The following PEMT variants were observed in gnomAD, a reference collection of about 807,000 sequenced individuals.
The protein encoded by PEMT is phosphatidylethanolamine N-methyltransferase.
In PEMT, 23 loss-of-function variants were observed where a neutral mutation model predicts 27.4. The ratio of observed to expected loss-of-function variants is 0.84; its 90% CI spans 0.60 to 1.19. The LOEUF (loss-of-function observed/expected upper bound fraction) is 1.19, where lower values mean the gene tolerates loss of function less well. PEMT is among the 50% of genes most tolerant of loss of function. The pLI is 0.00. For missense variants in PEMT, 307 were observed against 310.1 expected (o/e 0.99, Z 0.07); for synonymous variants, 137 against 139.1 (o/e 0.98, Z 0.11).
At chr17:17,587,662 A>G (rs1912385570) in intron 1 of PEMT, among the ~76,000 whole-genome samples, 1 of 152,150 alleles carries the variant, frequency 6.6e-6, no homozygotes, top group South Asian at 2.1e-4. Flanking sequence ...CAGGAGTTTG[A>G]GACCAGCCTG....
At position 17,508,680 on chromosome 17, in the gene PEMT, G is replaced by T. The variant is rs188740083; in HGVS notation, c.578+754C>A. The T allele has an allele frequency of 7.7e-4, 313 of 407,370 alleles. 3 individuals carry two copies. The highest frequency in any genetic ancestry group is 5.8e-3 in the African/African-American group (270 of 46,416). The allele number at this position is 407,370 out of a possible 1,614,324, so 25.2% of individuals were successfully genotyped here. On this transcript the variant is annotated intron_variant, in intron 5 of 6. Coordinates refer to ENST00000255389, the MANE Select transcript of PEMT (RefSeq NM_148172.3). ...GGCTGGGTATGAAGCCGAGGGCAGC[G>T]CCCGCTGTGCCATCCTTGACCGCAG...
rs1420495614 is a variant in PEMT, at chr17:17,586,276, GAAAGAAAGAAAGAAAA to G, written c.96+5239_96+5254del. Among the ~76,000 whole-genome samples, 731 of 104,296 alleles carry G rather than the reference GAAAGAAAGAAAGAAAA, an allele frequency of 7.0e-3. 31 individuals carry two copies. Among genetic ancestry groups the G allele is most frequent in the African/African-American group, 0.021 (457 of 21,836 alleles). The allele number at this position is 104,296 out of a possible 152,430, so 68.4% of individuals were successfully genotyped here. A position where few individuals can be genotyped will look rare whatever the true frequency, so the allele number is the denominator to read the frequency against. On this transcript the variant is annotated intron_variant, in intron 1 of 6. Transcript: ENST00000255389. Reference sequence around the variant, plus strand: ...AGAAAGAAAGAAAGAAAGAAAGAAAGAAAGAAAGAAAGAAAAAAAAAAACGCAGGTGGAAAATCGGG... The same window carrying G: ...AGAAAGAAAGAAAGAAAGAAAGAAAGAAAAAAACGCAGGTGGAAAATCGGG...
intron 2 of PEMT, among the ~76,000 whole-genome samples, chr17:17,548,482 C>T (rs1014435108): frequency 6.6e-6 from 1 of 152,192 alleles, no homozygotes; most frequent in South Asian, 2.1e-4. Flanking sequence ...AGAAGCTCCT[C>T]GAGGCATCAG....
chr17:17,553,715 G>A (rs963064159), intron 2 of PEMT, among the ~76,000 whole-genome samples: 3 of 152,200 alleles, frequency 2.0e-5, no homozygotes, highest in Non-Finnish European at 2.9e-5. Context: ...GGTTCTCCCC[G>A]GCAGCACTTG....
At chr17:17,589,590 G>A (rs2142769451) in intron 1 of PEMT, among the ~76,000 whole-genome samples, 1 of 152,284 alleles carries the variant, frequency 6.6e-6, no homozygotes, top group East Asian at 1.9e-4. Context: ...CTACTGGACA[G>A]CACAGCAGCA....
chr17:17,520,740 A>C (rs1907203210), intron 3 of PEMT, among the ~76,000 whole-genome samples: 1 of 152,230 alleles, frequency 6.6e-6, no homozygotes, highest in Admixed American at 6.5e-5. Context: ...AGACCGTGGG[A>C]TAGCCACCCA....
chr17:17,531,254 T>C (rs532769789), intron 2 of PEMT, among the ~76,000 whole-genome samples: 12 of 152,032 alleles, frequency 7.9e-5, no homozygotes, highest in African/African-American at 2.4e-4. Context: ...AGAAGAACAC[T>C]AAGAAACACT....
At chr17:17,532,618 A>G (rs535888510) in intron 2 of PEMT, among the ~76,000 whole-genome samples, 1 of 152,400 alleles carries the variant, frequency 6.6e-6, no homozygotes, top group African/African-American at 2.4e-5. Flanking sequence ...TGCAGTCACA[A>G]TCAGAATCTC....
Position 17,512,758 on chromosome 17 carries a change from G to C in PEMT, c.321-104C>G. 8.5e-7 allele frequency: 1 copy of C among 1,170,244 alleles called. No homozygotes were observed. The highest frequency in any genetic ancestry group is 2.5e-5 in the South Asian group (1 of 40,564). The allele number at this position is 1,170,244 out of a possible 1,614,324, so 72.5% of individuals were successfully genotyped here. A position where few individuals can be genotyped will look rare whatever the true frequency, so the allele number is the denominator to read the frequency against. Reference sequence around the variant, plus strand: ...CTCGCCCTCTCCCCAGGGACCCTTAGAGAGTAGCCAGCCCAGGGCTGCCAG... The same window carrying C: ...CTCGCCCTCTCCCCAGGGACCCTTACAGAGTAGCCAGCCCAGGGCTGCCAG... On this transcript the variant is annotated intron_variant, in intron 3 of 6. Transcript: ENST00000255389. This position sits in a 1 kb window ranked among gnomAD's most constrained non-coding sequence, Gnocchi z 6.3.
intron 2 of PEMT, among the ~76,000 whole-genome samples, chr17:17,530,424 G>A (rs1908006379): frequency 6.6e-6 from 1 of 152,196 alleles, no homozygotes; most frequent in Non-Finnish European, 1.5e-5. Context: ...GAACCCCGGA[G>A]GCGGAGGTTG....
At position 17,560,915 on chromosome 17, in the gene PEMT, A is replaced by G. The variant is rs570345528; in HGVS notation, c.204+16005T>C. ...CCCGCTCCCAAGACTGCCTTTAACCAACCATCCCCTGGGCCCTGGGATCCC... is the reference window on the plus strand; with the variant it reads ...CCCGCTCCCAAGACTGCCTTTAACCGACCATCCCCTGGGCCCTGGGATCCC... On this transcript the variant is annotated intron_variant, in intron 2 of 6. Coordinates refer to ENST00000255389, the MANE Select transcript of PEMT (RefSeq NM_148172.3). Among the ~76,000 whole-genome samples, 15 of 151,748 alleles carry G rather than the reference A, an allele frequency of 9.9e-5. No individual in the cohort carries two copies. The East Asian group carries it at 2.9e-3, about 30-fold the overall frequency.
At chr17:17,509,567 G>A (rs1210841920) in intron 4 of PEMT, 22 bp from the exon 5 acceptor site, 3 of 1,533,898 alleles carry the variant, frequency 2.0e-6, no homozygotes, top group African/African-American at 2.7e-5. Context: ...GCAAGGCAGG[G>A]TCCCTCGGCT....
chr17:17,591,316 C>T (rs1912573266), intron 1 of PEMT: 2 of 551,466 alleles, frequency 3.6e-6, no homozygotes, highest in Admixed American at 3.4e-5. Flanking sequence ...CTCTGACACA[C>T]GCAATCTGAG....
intron 3 of PEMT, among the ~76,000 whole-genome samples, chr17:17,519,969 T>G (rs8182244): frequency 0.032 from 4,807 of 152,246 alleles, 230 homozygotes; most frequent in East Asian, 0.18. Context: ...TTCTCCTGCT[T>G]TGTGCCGGCC....
At chr17:17,568,028 C>A (rs546241465) in intron 2 of PEMT, among the ~76,000 whole-genome samples, 16 of 151,560 alleles carry the variant, frequency 1.1e-4, no homozygotes, top group African/African-American at 3.9e-4. Context: ...CTGACACACA[C>A]ACACTCACAC....
intron 2 of PEMT, among the ~76,000 whole-genome samples, chr17:17,548,804 C>T (rs1909438750): frequency 6.6e-6 from 1 of 152,198 alleles, no homozygotes; most frequent in Non-Finnish European, 1.5e-5. Context: ...CTCGGCCTCC[C>T]AAAGTGCTGG....
intron 2 of PEMT, among the ~76,000 whole-genome samples, chr17:17,553,712 C>G (rs1909838140): frequency 6.6e-6 from 1 of 152,216 alleles, no homozygotes; most frequent in Admixed American, 6.5e-5. Context: ...GCAGGTTCTC[C>G]CCGGCAGCAC....
chr17:17,572,879 G>A (rs544920967), intron 2 of PEMT, among the ~76,000 whole-genome samples: 1 of 152,202 alleles, frequency 6.6e-6, no homozygotes, highest in Non-Finnish European at 1.5e-5. Context: ...CCAGCCCTCC[G>A]CAGCAACTGC....
At chr17:17,537,226 G>A (rs1445857122) in intron 2 of PEMT, among the ~76,000 whole-genome samples, 1 of 152,246 alleles carries the variant, frequency 6.6e-6, no homozygotes, top group Non-Finnish European at 1.5e-5. Flanking sequence ...TCAGAGTCCA[G>A]CTCGGAGGTG....
Sources: allele counts gnomAD v4.1 joint callset (sites outside exome capture counted in the v4.1 genomes callset), GRCh38; gene constraint gnomAD v4.1.1; non-coding constraint Gnocchi (gnomAD v3.1); transcripts MANE v1.5; gene names NCBI Gene and HGNC (gene_info 2026-07-23, HGNC 2026-07-21).